The following PARP16 variants were observed in gnomAD, a reference collection of about 807,000 sequenced individuals.
PARP16 encodes poly(ADP-ribose) polymerase family member 16, also known as protein mono-ADP-ribosyltransferase PARP16.
Under a neutral mutation model 35.0 loss-of-function variants are expected in PARP16, and 31 were observed. That is an observed-to-expected ratio of 0.88 (90% confidence interval 0.66 to 1.19). The LOEUF is 1.19. Among genes scored for constraint, PARP16 ranks in the 50% most tolerant of loss-of-function variants. The pLI is 0.00. For missense variants in PARP16, 424 were observed against 411.2 expected, an observed-to-expected ratio of 1.03 and a Z score of -0.27; for synonymous variants, 162 against 169.5, an observed-to-expected ratio of 0.96 and a Z score of 0.34.
chr15:65,241,685 T>C (rs1205655739), intron 3 of PARP16, among the ~76,000 whole-genome samples: 1 of 152,222 alleles, frequency 6.6e-6, no homozygotes. Flanking sequence ...TTCATTTTTT[T>C]ACATTAGTTT....
At chr15:65,281,479 C>T (rs1210883979) in intron 1 of PARP16, among the ~76,000 whole-genome samples, 1 of 152,126 alleles carries the variant, frequency 6.6e-6, no homozygotes, top group African/African-American at 2.4e-5. Context: ...CACCTGAGGT[C>T]AGGAGTTCAA....
At chr15:65,257,522 A>G (rs4635291), downstream of PARP16, among the ~76,000 whole-genome samples, 42,546 of 150,738 alleles carry the variant, frequency 0.28, 6,232 homozygotes, top group Admixed American at 0.33. Flanking sequence ...TCCCAGCTAC[A>G]GGGAGGCTAA....
At chr15:65,267,386 T>G (rs909355972) in intron 2 of PARP16, among the ~76,000 whole-genome samples, 2 of 151,826 alleles carry the variant, frequency 1.3e-5, no homozygotes, top group African/African-American at 4.8e-5. Flanking sequence ...GGCAGGCGGA[T>G]CATGAGGTCA....
chr15:65,275,119 A>T (rs1352953562), intron 1 of PARP16, among the ~76,000 whole-genome samples: 1 of 152,128 alleles, frequency 6.6e-6, no homozygotes, highest in East Asian at 1.9e-4. Context: ...TGTCTCAAAA[A>T]AAAAAAAGCA....
In PARP16 at chr15:65,253,017, C is replaced by G. The variant is rs570532781; in HGVS notation, c.203-4789G>C. Among the ~76,000 whole-genome samples the G allele has an allele frequency of 2.0e-5, 3 of 151,840 alleles. No individual in the cohort carries two copies. In the East Asian group the frequency reaches 5.9e-4, roughly 30 times the overall value. On this transcript the variant is annotated intron_variant and NMD_transcript_variant, in intron 2 of 3. Coordinates refer to the PARP16 transcript ENST00000559805. ...TGGTGGCACATGCCTGTAATCCCAG[C>G]TACTTGGGAGGCTGAGGTAGGAGAA...
intron 2 of PARP16, among the ~76,000 whole-genome samples, chr15:65,251,450 C>T (rs1358002385): frequency 6.6e-6 from 1 of 152,154 alleles, no homozygotes; most frequent in Non-Finnish European, 1.5e-5. Context: ...AAAAGTCTGG[C>T]TTCAAGCACA....
At chr15:65,253,619 C>T (rs1340838724), downstream of PARP16, among the ~76,000 whole-genome samples, 1 of 152,096 alleles carries the variant, frequency 6.6e-6, no homozygotes, top group Non-Finnish European at 1.5e-5. Context: ...CGTGAGCCAC[C>T]GCGCCCGGCC....
At chr15:65,271,347 C>G (rs1431557161) in intron 1 of PARP16, among the ~76,000 whole-genome samples, 1 of 152,034 alleles carries the variant, frequency 6.6e-6, no homozygotes, top group Non-Finnish European at 1.5e-5. Context: ...GATCTTGGCT[C>G]ACTGCAGCCT....
At chr15:65,269,172 GTTTT>G (rs1202398661) in intron 2 of PARP16, among the ~76,000 whole-genome samples, 9 of 47,126 alleles carry the variant, frequency 1.9e-4, no homozygotes, top group South Asian at 8.7e-4. Context: ...ATTTTAGTCG[GTTTT>G]TTTCTTTCTT....
chr15:65,233,189 G>A (rs1422352810), downstream of PARP16, among the ~76,000 whole-genome samples: 2 of 151,296 alleles, frequency 1.3e-5, no homozygotes, highest in Non-Finnish European at 3.0e-5. Context: ...CGAGGTGGGC[G>A]GATCACCAGG....
chr15:65,284,811 CTTTTTT>C (rs35683940), intron 1 of PARP16, among the ~76,000 whole-genome samples: 1 of 72,244 alleles, frequency 1.4e-5, no homozygotes, highest in Non-Finnish European at 2.5e-5. Flanking sequence ...AATCCAACGT[CTTTTTT>C]TTTTTTTTTT....
At chr15:65,244,835 C>A (rs1259585270) in intron 3 of PARP16, among the ~76,000 whole-genome samples, 2 of 152,176 alleles carry the variant, frequency 1.3e-5, no homozygotes, top group African/African-American at 4.8e-5. Context: ...CTCCTGTGAG[C>A]CTGTTGGTTG....
chr15:65,240,039 C>T (rs569602982), intron 3 of PARP16, among the ~76,000 whole-genome samples: 67 of 149,898 alleles, frequency 4.5e-4, no homozygotes, highest in African/African-American at 1.5e-3. Context: ...CTCACTGCAA[C>T]TGCAGCCTTG....
At chr15:65,260,484 A>C (rs2089673084) in intron 5 of PARP16, among the ~76,000 whole-genome samples, 1 of 152,216 alleles carries the variant, frequency 6.6e-6, no homozygotes, top group South Asian at 2.1e-4. Context: ...TTCAGCAGCC[A>C]CTGTGGGAAG....
intron 3 of PARP16, among the ~76,000 whole-genome samples, chr15:65,236,865 G>A (rs968837198): frequency 2.6e-5 from 4 of 151,710 alleles, no homozygotes; most frequent in South Asian, 2.1e-4. Flanking sequence ...CCAGCTACTC[G>A]GGAGGCTGAG....
At chr15:65,269,639 T>C (rs764113937) in intron 2 of PARP16, among the ~76,000 whole-genome samples, 1 of 152,238 alleles carries the variant, frequency 6.6e-6, no homozygotes, top group Non-Finnish European at 1.5e-5. Context: ...GAAGAACTGT[T>C]CTTCATTCTG....
chr15:65,267,911 T>C (rs955328922), intron 2 of PARP16, among the ~76,000 whole-genome samples: 4 of 151,856 alleles, frequency 2.6e-5, no homozygotes, highest in Admixed American at 2.6e-4. Flanking sequence ...CAGGCTGGTC[T>C]TGAACTCCTG....
In PARP16 at chr15:65,259,221, G is replaced by A. The variant is rs2089615934; in HGVS notation, c.*186C>T. The A allele has an allele frequency of 6.2e-6, 4 of 645,202 alleles. No individual in the cohort carries two copies. The highest frequency in any genetic ancestry group is 2.4e-5 in the Admixed American group (1 of 42,392). The allele number at this position is 645,202 out of a possible 1,614,324, so 40.0% of individuals were successfully genotyped here. On this transcript the variant is annotated 3_prime_UTR_variant, in exon 6 of 6. Coordinates refer to ENST00000649807, the MANE Select transcript of PARP16 (RefSeq NM_001316943.2). ...TAAGAGTGAGGGACTAGTAGTCCCC[G>A]TTGACTGGAGTATGGCTGGGAACAT...
intron 3 of PARP16, among the ~76,000 whole-genome samples, chr15:65,241,190 T>A (rs1345953129): frequency 4.0e-5 from 6 of 150,424 alleles, no homozygotes; most frequent in Admixed American, 3.3e-4. Context: ...TAGGCTGAAG[T>A]GCAGTGGTGG....
Sources: gnomAD v4.1 joint callset for allele counts (sites outside exome capture counted in the v4.1 genomes callset) on GRCh38, gnomAD v4.1.1 for gene constraint, MANE v1.5 for transcripts, NCBI Gene and HGNC (gene_info 2026-07-23, HGNC 2026-07-21) for gene names.